SPTB: variants seen among roughly 807,000 people sequenced by gnomAD.
SPTB encodes the protein spectrin beta chain, erythrocytic.
A neutral mutation model predicts 256.2 loss-of-function variants in SPTB; 45 were observed. The observed-to-expected ratio is 0.18, with a 90% confidence interval of 0.14 to 0.23. The LOEUF is 0.23. Among genes scored for constraint, SPTB ranks in the 10% least tolerant of loss-of-function variants. SPTB has a pLI of 1.00. For synonymous variants in SPTB, 1,231 were observed against 1,243.1 expected (o/e 0.99, Z 0.21); for missense variants, 2,715 against 3,040.4 (o/e 0.89, Z 2.52).
intron 33 of SPTB, among the ~76,000 whole-genome samples, chr14:64,751,120 T>G (rs999368713): frequency 6.8e-6 from 1 of 146,630 alleles, no homozygotes; most frequent in African/African-American, 2.5e-5. Flanking sequence ...TATATAATAT[T>G]TATATATAAT....
intron 1 of SPTB, among the ~76,000 whole-genome samples, chr14:64,879,371 G>A (rs996362070): frequency 6.6e-6 from 1 of 152,178 alleles, no homozygotes; most frequent in African/African-American, 2.4e-5. Context: ...CTGAGAAGCC[G>A]GACAAAAAAA....
At chr14:64,839,940 A>G (rs185884666) in intron 1 of SPTB, among the ~76,000 whole-genome samples, 3 of 152,228 alleles carry the variant, frequency 2.0e-5, no homozygotes, top group African/African-American at 7.2e-5. Flanking sequence ...ATGGCATCTG[A>G]GTTGGGTGCT....
chr14:64,818,731 A>T (rs1367976157), intron 2 of SPTB, among the ~76,000 whole-genome samples: 1 of 152,166 alleles, frequency 6.6e-6, no homozygotes, highest in Non-Finnish European at 1.5e-5. Flanking sequence ...TCCCAGTATG[A>T]AAAGGGGAAG....
rs1882184945 is a variant in SPTB at position 64,866,404 on chromosome 14, C to A, written c.-52+13388G>T. 6.6e-6 allele frequency among the ~76,000 whole-genome samples: 1 copy of A among 152,188 alleles called. No homozygotes were observed. The highest frequency in any genetic ancestry group is 1.9e-4 in the East Asian group (1 of 5,194). On this transcript the variant is annotated intron_variant, in intron 1 of 35. Coordinates refer to ENST00000644917, the MANE Select transcript of SPTB (RefSeq NM_001355436.2). The surrounding 1 kb of genome is among the most constrained non-coding windows in gnomAD (Gnocchi z 4.6). ...CTGCCCTCAGGTCCCTCTCACAAGG[C>A]CTAACTTTGTCCCCTGCCCTTCTTT...
rs775687156 is a variant in SPTB at position 64,782,570 on chromosome 14, G to A, written c.4003-17C>T. 11 of 1,612,842 alleles carry A rather than the reference G, an allele frequency of 6.8e-6. No individual in the cohort carries two copies. Among genetic ancestry groups the A allele is most frequent in the Non-Finnish European group, 9.3e-6 (11 of 1,179,968 alleles). On this transcript the variant is annotated splice_polypyrimidine_tract_variant and intron_variant, in intron 19 of 35. Transcript: ENST00000644917. ...CTTTCCTTCCTAGGGGCAAGAAGGA[G>A]GAGAGCTCACATTCTGGGCTGACTG...
chr14:64,841,489 C>A lies in SPTB; in HGVS notation c.-51-18344G>T, dbSNP rs554378049. ...CAACAGGAAAGAAAGATGATCTGCA[C>A]TGGAGGCCCAGGAGGCTCTTCAGGG... is the stretch of plus-strand genomic sequence containing the variant. On this transcript the variant is annotated intron_variant, in intron 1 of 35. Coordinates refer to ENST00000644917, the MANE Select transcript of SPTB (RefSeq NM_001355436.2). The surrounding 1 kb of genome is among the most constrained non-coding windows in gnomAD (Gnocchi z 4.6). Among the ~76,000 whole-genome samples the A allele has an allele frequency of 1.6e-4, 25 of 152,318 alleles. No homozygotes were observed. In the South Asian group the frequency reaches 5.2e-3, roughly 32 times the overall value.
At chr14:64,864,061 G>C (rs761448497) in intron 1 of SPTB, among the ~76,000 whole-genome samples, 3 of 152,152 alleles carry the variant, frequency 2.0e-5, no homozygotes, top group Non-Finnish European at 4.4e-5. Flanking sequence ...TATTACTTTG[G>C]CATCATGAAT....
chr14:64,806,873 T>C lies in SPTB; in HGVS notation c.149-1783A>G, dbSNP rs2082994406. On this transcript the variant is annotated intron_variant, in intron 2 of 35. Transcript: ENST00000644917. The surrounding 1 kb of genome is among the most constrained non-coding windows in gnomAD (Gnocchi z 4.1). Reference sequence around the variant, plus strand: ...GAAGAGGAAAAGTACTACTACTGACTGTGAATCCTAAATACATGTAAAATT... The same window carrying C: ...GAAGAGGAAAAGTACTACTACTGACCGTGAATCCTAAATACATGTAAAATT... 2.0e-5 allele frequency among the ~76,000 whole-genome samples: 1 copy of C among 51,254 alleles called. No individual in the cohort carries two copies. The highest frequency in any genetic ancestry group is 1.9e-4 in the African/African-American group (1 of 5,240). 33.6% of individuals were successfully genotyped at this position (51,254 alleles called of 152,430 possible).
Position 64,873,368 on chromosome 14 carries a change from AC to A in SPTB, c.-52+6423del, listed in dbSNP as rs1251195323. ...GTAAATATTTGTTGAAGACTGACAT[AC>A]AAATCAAGGCCCTCAAGATCACTGG... On this transcript the variant is annotated intron_variant, in intron 1 of 35. Coordinates refer to ENST00000644917, the MANE Select transcript of SPTB (RefSeq NM_001355436.2). The surrounding 1 kb of genome is among the most constrained non-coding windows in gnomAD (Gnocchi z 4.3). 1.3e-5 allele frequency among the ~76,000 whole-genome samples: 2 copies of A among 152,214 alleles called. No homozygotes were observed. Among genetic ancestry groups the A allele is most frequent in the Non-Finnish European group, 2.9e-5 (2 of 68,034 alleles).
chr14:64,826,549 G>A lies in SPTB; in HGVS notation c.-51-3404C>T, dbSNP rs531315012. ...GGCCTTCCATGAGTCACGGAGGACC[G>A]CAAATACATGGCTAAAATTAGATCT... On this transcript the variant is annotated intron_variant, in intron 1 of 35. Coordinates refer to ENST00000644917, the MANE Select transcript of SPTB (RefSeq NM_001355436.2). The surrounding 1 kb of genome is among the most constrained non-coding windows in gnomAD (Gnocchi z 4.4). Among the ~76,000 whole-genome samples, 26 of 152,148 alleles carry A rather than the reference G, an allele frequency of 1.7e-4. No individual in the cohort carries two copies. Among genetic ancestry groups the A allele is most frequent in the African/African-American group, 6.0e-4 (25 of 41,420 alleles).
In SPTB at chr14:64,772,532, G is replaced by T; in HGVS notation, c.5553+48C>A. 6.3e-7 allele frequency: 1 copy of T among 1,595,908 alleles called. No individual in the cohort carries two copies. The highest frequency in any genetic ancestry group is 1.1e-5 in the South Asian group (1 of 90,326). Reference sequence around the variant, plus strand: ...ACAGCCAGGTGGGGACTGACACCCAGGGCTCCTGGAAATTGGTAGCAGGTG... The same window carrying T: ...ACAGCCAGGTGGGGACTGACACCCATGGCTCCTGGAAATTGGTAGCAGGTG... On this transcript the variant is annotated intron_variant, in intron 26 of 35. Transcript: ENST00000644917. This position sits in a 1 kb window ranked among gnomAD's most constrained non-coding sequence, Gnocchi z 5.4.
In SPTB at chr14:64,772,742, A is replaced by G; in HGVS notation, c.5391T>C (p.Tyr1797=). The G allele has an allele frequency of 3.7e-6, 6 of 1,613,976 alleles. No homozygotes were observed. The highest frequency in any genetic ancestry group is 5.1e-6 in the Non-Finnish European group (6 of 1,180,028). ...DTRMQLLAAS[Y]DLHRYFYTGA... ...CCGTGTAGAAGTAGCGGTGCAGGTCATAGGAGGCGGCCAGCAGCTGCATGC... is the reference window on the plus strand; with the variant it reads ...CCGTGTAGAAGTAGCGGTGCAGGTCGTAGGAGGCGGCCAGCAGCTGCATGC... The change falls in exon 26 of 36, where the codon TAT becomes TAC. Residue 1797 remains tyrosine, a synonymous_variant. Transcript: ENST00000644917. This position sits in a 1 kb window ranked among gnomAD's most constrained non-coding sequence, Gnocchi z 5.4.
At chr14:64,879,138 A>G (rs1882981533) in intron 1 of SPTB, among the ~76,000 whole-genome samples, 1 of 152,164 alleles carries the variant, frequency 6.6e-6, no homozygotes, top group African/African-American at 2.4e-5. Context: ...AGAGGAAGAG[A>G]GGAACTCTTT....
At chr14:64,821,853 G>A (rs1489276170) in intron 2 of SPTB, among the ~76,000 whole-genome samples, 1 of 152,154 alleles carries the variant, frequency 6.6e-6, no homozygotes, top group Admixed American at 6.5e-5. Context: ...ACACTCCCAA[G>A]ATGTGAGGTC....
intron 8 of SPTB, 55 bp from the exon 9 acceptor site, chr14:64,799,989 G>T: frequency 6.3e-7 from 1 of 1,593,672 alleles, no homozygotes; most frequent in South Asian, 1.1e-5. Context: ...CACCACTGAG[G>T]ATATCAATGA....
At chr14:64,815,264 GGGGCATCTCCCATGAAGC>G (rs66786925) in intron 2 of SPTB, among the ~76,000 whole-genome samples, 53,148 of 150,948 alleles carry the variant, frequency 0.35, 10,287 homozygotes, top group African/African-American at 0.52. Flanking sequence ...AAAATGGGAA[GGGGCATCTCCCATGAAGC>G]GGGCATCTCC....
In SPTB at chr14:64,786,453, T is replaced by C. The variant is rs749833541; in HGVS notation, c.3512A>G (p.Gln1171Arg). Reference sequence around the variant, plus strand: ...CTGCTTGGCATCTTTCTGGAACTCCTGGAAGCCAAGGCACTGAGCGAGGGT... The same window carrying C: ...CTGCTTGGCATCTTTCTGGAACTCCCGGAAGCCAAGGCACTGAGCGAGGGT... Reference protein sequence around the residue: ...SHTLAQCLGFQEFQKDAKQAE... With the variant: ...SHTLAQCLGFREFQKDAKQAE... Residue 1171 changes from glutamine to arginine, a missense_variant, in exon 16 of 36, where the codon CAG becomes CGG. This residue lies in a region of SPTB where 2,239 missense variants were observed against 2,384.4 expected (regional missense o/e 0.94). Coordinates refer to ENST00000644917, the MANE Select transcript of SPTB (RefSeq NM_001355436.2). The surrounding 1 kb of genome is among the most constrained non-coding windows in gnomAD (Gnocchi z 5.6). 3 of 1,614,140 alleles carry C rather than the reference T, an allele frequency of 1.9e-6. No homozygotes were observed. The highest frequency in any genetic ancestry group is 2.2e-5 in the East Asian group (1 of 44,856).
At chr14:64,867,232 G>GTCATTAAT (rs1377101012) in intron 1 of SPTB, among the ~76,000 whole-genome samples, 1 of 152,058 alleles carries the variant, frequency 6.6e-6, no homozygotes. Flanking sequence ...TCTTCTATAG[G>GTCATTAAT]TCATTAATTT....
intron 1 of SPTB, among the ~76,000 whole-genome samples, chr14:64,865,473 C>A (rs1016233366): frequency 6.6e-6 from 1 of 152,112 alleles, no homozygotes; most frequent in Non-Finnish European, 1.5e-5. Context: ...ATCCCTCCCC[C>A]ACCTGGACTG....
Sources: allele counts gnomAD v4.1 joint callset (sites outside exome capture counted in the v4.1 genomes callset), GRCh38; gene constraint gnomAD v4.1.1; regional missense constraint gnomAD v4.1.1; non-coding constraint Gnocchi (gnomAD v3.1); transcripts MANE v1.5; gene names NCBI Gene and HGNC (gene_info 2026-07-23, HGNC 2026-07-21).